Variants in ALDH1A2 observed in about 807,000 individuals in gnomAD.
ALDH1A2 encodes aldehyde dehydrogenase 1 family member A2.
In ALDH1A2, 27 loss-of-function variants were observed where a neutral mutation model predicts 60.3. That is an observed-to-expected ratio of 0.45 (90% CI 0.33 to 0.62). The LOEUF (loss-of-function observed/expected upper bound fraction) is 0.62. ALDH1A2 is among the 20% of genes least tolerant of loss of function. ALDH1A2 has a pLI of 0.02. For missense variants in ALDH1A2, 581 were observed against 643.8 expected (o/e 0.90, Z 1.06); for synonymous variants, 289 against 232.4 (o/e 1.24, Z -2.21).
intron 7 of ALDH1A2, chr15:57,980,247 T>TA (rs1894444539): frequency 5.8e-6 from 2 of 343,440 alleles, no homozygotes; most frequent in South Asian, 5.4e-5. Flanking sequence ...TGCGGCCTCT[T>TA]AGTCTTGACC....
intron 1 of ALDH1A2, 30 bp from the exon 2 acceptor site, chr15:58,014,311 G>T: frequency 1.3e-6 from 2 of 1,537,478 alleles, no homozygotes; most frequent in Non-Finnish European, 1.8e-6. Flanking sequence ...AATGGGATCT[G>T]TGACACAGGT....
intron 1 of ALDH1A2, among the ~76,000 whole-genome samples, chr15:58,056,270 T>A (rs977086768): frequency 1.3e-5 from 2 of 152,068 alleles, no homozygotes; most frequent in African/African-American, 4.8e-5. Flanking sequence ...AAGTAGTTTC[T>A]CCTATTTTCC....
intron 4 of ALDH1A2, among the ~76,000 whole-genome samples, chr15:58,000,197 CTAAAA>C (rs1275951933): frequency 1.3e-5 from 2 of 151,866 alleles, no homozygotes; most frequent in Non-Finnish European, 2.9e-5. Context: ...TAATCCAGAA[CTAAAA>C]TAAAATAAAG....
intron 7 of ALDH1A2, among the ~76,000 whole-genome samples, chr15:57,984,052 G>C (rs1288728249): frequency 3.3e-5 from 5 of 152,178 alleles, no homozygotes; most frequent in African/African-American, 1.2e-4. Flanking sequence ...CCATTAATAT[G>C]TCATTCCGAA....
At chr15:58,041,102 A>T (rs1896509381) in intron 1 of ALDH1A2, among the ~76,000 whole-genome samples, 1 of 151,806 alleles carries the variant, frequency 6.6e-6, no homozygotes, top group Non-Finnish European at 1.5e-5. Flanking sequence ...AAATTAATCA[A>T]ATGTGTTTCT....
At chr15:58,054,484 C>G (rs1896848290) in intron 1 of ALDH1A2, among the ~76,000 whole-genome samples, 1 of 152,082 alleles carries the variant, frequency 6.6e-6, no homozygotes, top group African/African-American at 2.4e-5. Flanking sequence ...TATTCTGCCT[C>G]CCCACTGAGA....
intron 7 of ALDH1A2, among the ~76,000 whole-genome samples, chr15:57,973,405 G>T (rs983896228): frequency 7.9e-5 from 12 of 152,136 alleles, no homozygotes; most frequent in Admixed American, 6.5e-4. Flanking sequence ...CTTGTTAACT[G>T]TTCCAGACAC....
At chr15:57,985,808 G>T (rs1187267221) in intron 7 of ALDH1A2, among the ~76,000 whole-genome samples, 1 of 152,120 alleles carries the variant, frequency 6.6e-6, no homozygotes, top group African/African-American at 2.4e-5. Context: ...GCCATCTTTT[G>T]AAAGTAAAAC....
At chr15:58,023,524 A>G (rs1895990918) in intron 1 of ALDH1A2, among the ~76,000 whole-genome samples, 1 of 152,200 alleles carries the variant, frequency 6.6e-6, no homozygotes, top group Non-Finnish European at 1.5e-5. Context: ...TCAATGATAA[A>G]GAGAAAATCC....
At chr15:57,981,981 G>A (rs1894531203) in intron 7 of ALDH1A2, among the ~76,000 whole-genome samples, 1 of 152,142 alleles carries the variant, frequency 6.6e-6, no homozygotes, top group Admixed American at 6.5e-5. Context: ...TCATCCCATG[G>A]TGAAAGATGG....
intron 1 of ALDH1A2, among the ~76,000 whole-genome samples, chr15:58,036,009 C>A (rs74018818): frequency 1.5e-3 from 222 of 151,664 alleles, no homozygotes; most frequent in African/African-American, 5.1e-3. Flanking sequence ...TTTAATTAAT[C>A]AATACATTAA....
chr15:57,994,352 T>C (rs1163006033), intron 5 of ALDH1A2, among the ~76,000 whole-genome samples: 1 of 152,224 alleles, frequency 6.6e-6, no homozygotes, highest in African/African-American at 2.4e-5. Flanking sequence ...TCTTGAGTTA[T>C]ACTACTGTAC....
Sources: allele counts gnomAD v4.1 joint callset (sites outside exome capture counted in the v4.1 genomes callset), GRCh38; gene constraint gnomAD v4.1.1; transcripts MANE v1.5; gene names NCBI Gene and HGNC (gene_info 2026-07-23, HGNC 2026-07-21).